Variants in ITGA8 observed in about 807,000 individuals in gnomAD.
The protein encoded by ITGA8 is integrin subunit alpha 8.
Under a neutral mutation model 142.3 loss-of-function variants are expected in ITGA8, and 91 were observed. That is an observed-to-expected ratio of 0.64 (90% CI 0.54 to 0.76). The LOEUF is 0.76. ITGA8 is among the 30% of genes least tolerant of loss of function. The pLI is 0.00. For synonymous variants in ITGA8, 505 were observed against 485.2 expected, an observed-to-expected ratio of 1.04 and a Z score of -0.54; for missense variants, 1,406 against 1,327.7, an observed-to-expected ratio of 1.06 and a Z score of -0.92.
chr10:15,627,453 T>G (rs1229657290), intron 13 of ITGA8, among the ~76,000 whole-genome samples: 1 of 152,196 alleles, frequency 6.6e-6, no homozygotes, highest in Non-Finnish European at 1.5e-5. Flanking sequence ...CTCTTAGGGT[T>G]GATAGTTTTC....
At chr10:15,628,716 G>A (rs945800840) in intron 13 of ITGA8, among the ~76,000 whole-genome samples, 1 of 151,684 alleles carries the variant, frequency 6.6e-6, no homozygotes, top group Non-Finnish European at 1.5e-5. Context: ...CACTACCTCC[G>A]TTTGGCCAGT....
At chr10:15,681,089 C>T (rs542275970) in intron 4 of ITGA8, among the ~76,000 whole-genome samples, 1 of 152,250 alleles carries the variant, frequency 6.6e-6, no homozygotes, top group African/African-American at 2.4e-5. Context: ...TTATGAATGA[C>T]CATGAGAGCC....
rs146126209 is a variant in ITGA8, at chr10:15,713,634, C to T, written c.343+5132G>A. Among the ~76,000 whole-genome samples, 470 of 152,192 alleles carry T rather than the reference C, an allele frequency of 3.1e-3. 2 individuals are homozygous for T. The highest frequency in any genetic ancestry group is 0.01 in the African/African-American group (429 of 41,528). On this transcript the variant is annotated intron_variant, in intron 2 of 29. Coordinates refer to ENST00000378076, the MANE Select transcript of ITGA8 (RefSeq NM_003638.3). ...CAGCCAATATGTTTCCCAACCCTCACATGAGAAAAAGGGCACACCGAACAC... is the reference window on the plus strand; with the variant it reads ...CAGCCAATATGTTTCCCAACCCTCATATGAGAAAAAGGGCACACCGAACAC...
chr10:15,695,260 A>G (rs1835029675), intron 2 of ITGA8, among the ~76,000 whole-genome samples: 1 of 152,200 alleles, frequency 6.6e-6, no homozygotes, highest in Non-Finnish European at 1.5e-5. Context: ...GCACTGTCCC[A>G]GGTCTCTATG....
intron 2 of ITGA8, among the ~76,000 whole-genome samples, chr10:15,690,605 C>T (rs1045097605): frequency 5.3e-5 from 8 of 152,290 alleles, no homozygotes; most frequent in African/African-American, 1.4e-4. Context: ...CATAGCACCC[C>T]GTGGCTGCCT....
At chr10:15,605,646 A>G (rs1833180751) in intron 19 of ITGA8, 78 bp downstream of exon 19, 4 of 1,180,994 alleles carry the variant, frequency 3.4e-6, no homozygotes, top group Non-Finnish European at 5.0e-6. Context: ...GGAAGTGTAT[A>G]CTTTCTCCAG....
At chr10:15,631,718 G>GAA (rs112308190) in intron 13 of ITGA8, among the ~76,000 whole-genome samples, 1 of 116,800 alleles carries the variant, frequency 8.6e-6, no homozygotes, top group Non-Finnish European at 1.9e-5. Context: ...AGTATATTAA[G>GAA]AAAAAAAAAA....
At chr10:15,695,116 G>A (rs1349620334) in intron 2 of ITGA8, among the ~76,000 whole-genome samples, 1 of 152,146 alleles carries the variant, frequency 6.6e-6, no homozygotes, top group Non-Finnish European at 1.5e-5. Context: ...ATTATAGGAT[G>A]AACTGTGTAA....
intron 5 of ITGA8, among the ~76,000 whole-genome samples, chr10:15,678,338 A>G (rs1834671325): frequency 2.0e-5 from 3 of 152,192 alleles, no homozygotes; most frequent in Admixed American, 2.0e-4. Context: ...GAATTTTAAT[A>G]TTAATATTAA....
chr10:15,637,504 A>ATTTTTTT (rs59157680), intron 13 of ITGA8, among the ~76,000 whole-genome samples: 14 of 131,162 alleles, frequency 1.1e-4, no homozygotes, highest in Non-Finnish European at 1.3e-4. Context: ...GACTCTTTAA[A>ATTTTTTT]TTTTTTTTTT....
chr10:15,592,474 C>G (rs1470649995), intron 21 of ITGA8, among the ~76,000 whole-genome samples, 170 bp from the exon 22 acceptor site: 1 of 152,208 alleles, frequency 6.6e-6, no homozygotes, highest in African/African-American at 2.4e-5. Context: ...CTACAGGCCC[C>G]AGAAGATTCA....
At chr10:15,693,057 ACT>A (rs1834963887) in intron 2 of ITGA8, among the ~76,000 whole-genome samples, 2 of 152,222 alleles carry the variant, frequency 1.3e-5, no homozygotes, top group East Asian at 1.9e-4. Flanking sequence ...ACAAAGTAAG[ACT>A]CTGTCTCAAA....
At chr10:15,549,056 A>G (rs751471833) in intron 26 of ITGA8, among the ~76,000 whole-genome samples, 11 of 152,120 alleles carry the variant, frequency 7.2e-5, no homozygotes, top group Non-Finnish European at 1.6e-4. Context: ...TTCATTCATT[A>G]GGCTATTTTT....
At chr10:15,635,888 G>A (rs191388380) in intron 13 of ITGA8, among the ~76,000 whole-genome samples, 380 of 148,556 alleles carry the variant, frequency 2.6e-3, no homozygotes, top group Non-Finnish European at 4.6e-3. Flanking sequence ...CCTTCCATGC[G>A]CAGGTTCTGT....
intron 7 of ITGA8, among the ~76,000 whole-genome samples, chr10:15,672,260 T>A (rs1168294919): frequency 6.6e-6 from 1 of 152,200 alleles, no homozygotes; most frequent in African/African-American, 2.4e-5. Flanking sequence ...TAATATAATT[T>A]GAGAATATTC....
intron 13 of ITGA8, among the ~76,000 whole-genome samples, chr10:15,640,943 G>C (rs2131642968): frequency 6.6e-6 from 1 of 152,358 alleles, no homozygotes; most frequent in Non-Finnish European, 1.5e-5. Flanking sequence ...TTAGTCTGAA[G>C]CCAATAATAG....
chr10:15,677,363 T>G (rs1249364160), intron 6 of ITGA8, among the ~76,000 whole-genome samples: 2 of 152,168 alleles, frequency 1.3e-5, no homozygotes, highest in Non-Finnish European at 2.9e-5. Flanking sequence ...TCATTACACA[T>G]CATAAGCATG....
chr10:15,718,278 A>G (rs372325630), intron 2 of ITGA8, among the ~76,000 whole-genome samples: 2 of 152,214 alleles, frequency 1.3e-5, no homozygotes, highest in Non-Finnish European at 2.9e-5. Context: ...CTTTGAAAGA[A>G]AATTCTTTCT....
intron 10 of ITGA8, among the ~76,000 whole-genome samples, chr10:15,656,778 C>T (rs1036950644): frequency 3.9e-5 from 6 of 152,166 alleles, no homozygotes; most frequent in African/African-American, 1.2e-4. Context: ...TGCCAGTTTG[C>T]TTCCATAGTG....
Sources: allele counts gnomAD v4.1 joint callset (sites outside exome capture counted in the v4.1 genomes callset), GRCh38; gene constraint gnomAD v4.1.1; transcripts MANE v1.5; gene names NCBI Gene and HGNC (gene_info 2026-07-23, HGNC 2026-07-21).